The following TTC39B variants were observed in gnomAD, a reference collection of about 807,000 sequenced individuals.
The protein encoded by TTC39B is tetratricopeptide repeat protein 39B.
TTC39B carries 92 observed loss-of-function variants against 96.6 expected under a neutral mutation model. The ratio of observed to expected loss-of-function variants is 0.95; its 90% CI spans 0.80 to 1.13. The LOEUF is 1.13. Among genes scored for constraint, TTC39B ranks in the 50% most tolerant of loss-of-function variants. TTC39B has a pLI of 0.00. For synonymous variants in TTC39B, 367 were observed against 299.4 expected (o/e 1.23, Z -2.33); for missense variants, 955 against 809.3 (o/e 1.18, Z -2.18).
At chr9:15,208,305 G>T (rs1050382745) in intron 6 of TTC39B, among the ~76,000 whole-genome samples, 1 of 151,902 alleles carries the variant, frequency 6.6e-6, no homozygotes, top group Admixed American at 6.6e-5. Context: ...TTACAGGTGT[G>T]AGCCACCACA....
At chr9:15,233,437 G>C (rs1380216661) in intron 2 of TTC39B, among the ~76,000 whole-genome samples, 2 of 152,028 alleles carry the variant, frequency 1.3e-5, no homozygotes, top group Non-Finnish European at 2.9e-5. Context: ...TGCCATCTGG[G>C]CTCACTGCAA....
chr9:15,243,916 T>A (rs1822159144), intron 2 of TTC39B, among the ~76,000 whole-genome samples: 1 of 152,046 alleles, frequency 6.6e-6, no homozygotes, highest in South Asian at 2.1e-4. Flanking sequence ...TCTTTTCATT[T>A]AAAAAAAAAT....
exon 20 of TTC39B, chr9:15,168,360 A>G (rs1287312794): frequency 6.8e-6 from 1 of 147,648 alleles, no homozygotes; most frequent in Admixed American, 7.1e-5. Context: ...AGTCTTCGTC[A>G]ACTCATTTTA....
chr9:15,228,742 C>G (rs964765787), intron 2 of TTC39B, among the ~76,000 whole-genome samples: 6 of 152,188 alleles, frequency 3.9e-5, no homozygotes, highest in African/African-American at 1.4e-4. Flanking sequence ...TCAGGAATCA[C>G]TTATGCTCAA....
chr9:15,168,504 T>C (rs1260043448), exon 20 of TTC39B: 2 of 151,618 alleles, frequency 1.3e-5, no homozygotes, highest in Non-Finnish European at 2.9e-5. Flanking sequence ...AAGATCTTTT[T>C]AAAAATTATT....
chr9:15,274,723 A>G (rs1301041292), intron 1 of TTC39B, among the ~76,000 whole-genome samples: 2 of 148,930 alleles, frequency 1.3e-5, no homozygotes, highest in Non-Finnish European at 2.9e-5. Flanking sequence ...CTGAAAAAAA[A>G]CTAACACTAA....
intron 1 of TTC39B, among the ~76,000 whole-genome samples, chr9:15,304,020 T>C (rs1221525115): frequency 6.6e-6 from 1 of 152,242 alleles, no homozygotes; most frequent in African/African-American, 2.4e-5. Flanking sequence ...CTTGAGATAA[T>C]TATTGGTGAG....
chr9:15,266,923 C>CA lies in TTC39B; in HGVS notation c.275+990dup, dbSNP rs199675832. Reference sequence around the variant, plus strand: ...TGAAACCCCGTCTCTACTAAAAATACAAAAAAAATAGCCTGGCGTGGTGGC... The same window carrying CA: ...TGAAACCCCGTCTCTACTAAAAATACAAAAAAAAATAGCCTGGCGTGGTGGC... On this transcript the variant is annotated intron_variant, in intron 2 of 19. Coordinates refer to ENST00000512701, the Ensembl canonical transcript of TTC39B. Among the ~76,000 whole-genome samples, 851 of 151,814 alleles carry CA rather than the reference C, an allele frequency of 5.6e-3. 9 individuals carry two copies. The highest frequency in any genetic ancestry group is 0.019 in the African/African-American group (789 of 41,418).
chr9:15,188,207 A>G (rs1361969280), intron 13 of TTC39B, 75 bp from the exon 14 acceptor site: 2 of 1,450,124 alleles, frequency 1.4e-6, no homozygotes, highest in African/African-American at 1.4e-5. Context: ...AAAATACATA[A>G]AACACTTAGT....
intron 2 of TTC39B, among the ~76,000 whole-genome samples, chr9:15,244,174 C>G (rs1156632734): frequency 6.6e-6 from 1 of 152,216 alleles, no homozygotes; most frequent in African/African-American, 2.4e-5. Context: ...TTTCATTTTG[C>G]TAGTTTTCTT....
intron 6 of TTC39B, among the ~76,000 whole-genome samples, chr9:15,205,475 T>C (rs1039004490): frequency 2.6e-5 from 4 of 152,088 alleles, no homozygotes; most frequent in Non-Finnish European, 1.5e-5. Flanking sequence ...AATGTTTAAT[T>C]TACAAAGAAG....
At chr9:15,287,902 C>T (rs1349881733) in intron 1 of TTC39B, among the ~76,000 whole-genome samples, 6 of 134,172 alleles carry the variant, frequency 4.5e-5, no homozygotes, top group South Asian at 2.4e-4. Flanking sequence ...GCCGATATGG[C>T]GCCACTGCAC....
At chr9:15,216,117 C>T (rs1371832514) in intron 3 of TTC39B, among the ~76,000 whole-genome samples, 2 of 152,158 alleles carry the variant, frequency 1.3e-5, no homozygotes, top group East Asian at 3.9e-4. Flanking sequence ...CTGGCTGACC[C>T]CATCCCATCC....
At chr9:15,185,306 G>A (rs754733636) in exon 16 of TTC39B, 2 of 1,613,426 alleles carry the variant, frequency 1.2e-6, no homozygotes, top group Admixed American at 3.3e-5. Flanking sequence ...AGCTTCACAG[G>A]TGCAGGTAAG....
At chr9:15,186,240 G>A (rs1158124787) in intron 15 of TTC39B, among the ~76,000 whole-genome samples, 1 of 152,160 alleles carries the variant, frequency 6.6e-6, no homozygotes, top group East Asian at 1.9e-4. Context: ...ATGGAGCTAT[G>A]GATTTTAAAC....
intron 1 of TTC39B, among the ~76,000 whole-genome samples, chr9:15,303,528 T>A (rs556678546): frequency 1.3e-5 from 2 of 151,966 alleles, no homozygotes; most frequent in Admixed American, 1.3e-4. Context: ...GGCACCACCA[T>A]GCCCAGCTAA....
intron 1 of TTC39B, among the ~76,000 whole-genome samples, chr9:15,287,084 T>C (rs1455260506): frequency 6.6e-6 from 1 of 152,252 alleles, no homozygotes; most frequent in Admixed American, 6.5e-5. Context: ...ATGGACTTTA[T>C]TAAAATGAGG....
chr9:15,280,105 C>T (rs1464803039), intron 1 of TTC39B, among the ~76,000 whole-genome samples: 1 of 152,034 alleles, frequency 6.6e-6, no homozygotes, highest in East Asian at 1.9e-4. Context: ...GCCATGTTGG[C>T]CTGGCTGATC....
chr9:15,277,548 G>A (rs937516809), intron 1 of TTC39B, among the ~76,000 whole-genome samples: 2 of 152,058 alleles, frequency 1.3e-5, no homozygotes, highest in African/African-American at 4.8e-5. Flanking sequence ...CCAACATGGT[G>A]AGACCTTGGC....
Sources: gnomAD v4.1 joint callset for allele counts (sites outside exome capture counted in the v4.1 genomes callset) on GRCh38, gnomAD v4.1.1 for gene constraint, MANE v1.5 for transcripts, NCBI Gene and HGNC (gene_info 2026-07-23, HGNC 2026-07-21) for gene names.